PCLO: variants seen among roughly 807,000 people sequenced by gnomAD.
PCLO encodes piccolo presynaptic cytomatrix protein.
A neutral mutation model predicts 427.5 loss-of-function variants in PCLO; 82 were observed. The observed-to-expected ratio is 0.19, with a 90% CI of 0.16 to 0.23. PCLO has a LOEUF of 0.23. Ranked by LOEUF, PCLO falls within the 10% of genes least tolerant of loss-of-function variation. The pLI is 1.00. For missense variants in PCLO, 6,239 were observed against 6,115.9 expected (o/e 1.02, Z -0.67); for synonymous variants, 2,357 against 2,155.4 (o/e 1.09, Z -2.59).
At chr7:83,030,096 A>T (rs573415267) in intron 3 of PCLO, among the ~76,000 whole-genome samples, 1 of 148,898 alleles carries the variant, frequency 6.7e-6, no homozygotes, top group East Asian at 2.0e-4. Context: ...ATGTACCCTA[A>T]AACTTAAAGT....
At chr7:82,888,973 C>T (rs977129627) in intron 9 of PCLO, among the ~76,000 whole-genome samples, 2 of 141,186 alleles carry the variant, frequency 1.4e-5, no homozygotes, top group African/African-American at 5.2e-5. Context: ...CCCGCCAACT[C>T]TGCTCTGATG....
rs751700273 is a variant in PCLO at position 82,953,760 on chromosome 7, G to T, written c.7193C>A (p.Ser2398Tyr). 23 of 1,557,646 alleles carry T rather than the reference G, an allele frequency of 1.5e-5. No individual in the cohort carries two copies. The highest frequency in any genetic ancestry group is 2.0e-5 in the Non-Finnish European group (23 of 1,150,180). The change falls in exon 5 of 25, where the codon TCT becomes TAT. Residue 2398 changes from serine to tyrosine, a missense_variant. Ser to Tyr is a moderately radical substitution (Grantham distance 144). Around this residue, in one of 5 missense-constraint regions of PCLO, gnomAD observed 4,677 missense variants for 4,468.4 expected, o/e 1.05. Coordinates refer to ENST00000333891, the MANE Select transcript of PCLO (RefSeq NM_033026.6). ...AKPRPFFRSS[S>Y]LDISAQPPPP... ...AGGAGGTTGAGCTGATATATCCAAA[G>T]AAGAACTTCTAAAGAATGGGCGAGG...
At chr7:83,060,897 G>A (rs2116314295) in intron 3 of PCLO, among the ~76,000 whole-genome samples, 1 of 152,296 alleles carries the variant, frequency 6.6e-6, no homozygotes. Context: ...ACTGCTATCA[G>A]TCACAAACTA....
chr7:83,008,137 T>C (rs1471081103), intron 3 of PCLO, among the ~76,000 whole-genome samples: 6 of 151,698 alleles, frequency 4.0e-5, no homozygotes, highest in African/African-American at 1.4e-4. Flanking sequence ...GTAAAACACA[T>C]GACCAAACTA....
chr7:83,068,195 C>T (rs983196692), intron 3 of PCLO, among the ~76,000 whole-genome samples: 2 of 152,028 alleles, frequency 1.3e-5, no homozygotes, highest in African/African-American at 4.8e-5. Flanking sequence ...CATAAGAGTT[C>T]TAGGTAACAA....
chr7:82,801,316 A>G (rs1026258688), intron 22 of PCLO, among the ~76,000 whole-genome samples: 2 of 151,522 alleles, frequency 1.3e-5, no homozygotes, highest in Admixed American at 6.6e-5. Flanking sequence ...AAGTTACTTT[A>G]ATGTTAAACA....
chr7:83,005,735 T>C (rs1294654021), intron 3 of PCLO, among the ~76,000 whole-genome samples: 1 of 151,644 alleles, frequency 6.6e-6, no homozygotes, highest in African/African-American at 2.4e-5. Context: ...ATACTTTTTA[T>C]TTGTTAATTA....
At chr7:83,088,924 T>A (rs1467595161) in intron 3 of PCLO, among the ~76,000 whole-genome samples, 1 of 152,134 alleles carries the variant, frequency 6.6e-6, no homozygotes, top group Non-Finnish European at 1.5e-5. Flanking sequence ...TAAAAATCCC[T>A]AGTGAAAAAT....
intron 20 of PCLO, among the ~76,000 whole-genome samples, chr7:82,813,453 A>C (rs1455014114): frequency 6.6e-6 from 1 of 151,780 alleles, no homozygotes; most frequent in Non-Finnish European, 1.5e-5. Flanking sequence ...TATTTTCCAG[A>C]TATTTTTAAA....
In PCLO at chr7:82,930,260, C is replaced by A. The variant is rs778870303; in HGVS notation, c.11113-13387G>T. Among the ~76,000 whole-genome samples the A allele has an allele frequency of 5.3e-5, 8 of 152,048 alleles. No individual in the cohort carries two copies. The South Asian group carries it at 6.2e-4, about 12-fold the overall frequency. The stretch of plus-strand genomic sequence containing the variant: ...AAGTACACGTATGTCCCAGGACCTA[C>A]AATGTCTACTGCACAGTGTAGAAGG... On this transcript the variant is annotated intron_variant, in intron 6 of 24. Coordinates refer to ENST00000333891, the MANE Select transcript of PCLO (RefSeq NM_033026.6).
At chr7:82,940,783 GAC>G (rs1360190524) in intron 6 of PCLO, among the ~76,000 whole-genome samples, 4 of 103,306 alleles carry the variant, frequency 3.9e-5, no homozygotes, top group Non-Finnish European at 7.3e-5. Flanking sequence ...TTTTTTCTGA[GAC>G]TGAGTCTCTC....
At chr7:82,927,214 T>A (rs865915658) in intron 6 of PCLO, among the ~76,000 whole-genome samples, 16 of 152,208 alleles carry the variant, frequency 1.1e-4, no homozygotes, top group South Asian at 2.1e-4. Context: ...GGACCAATTG[T>A]ACACTGCCTT....
chr7:83,161,659 T>C (rs932701403), intron 1 of PCLO, among the ~76,000 whole-genome samples: 1 of 152,224 alleles, frequency 6.6e-6, no homozygotes, highest in Admixed American at 6.5e-5. Context: ...TTCCCTAAAC[T>C]GAAGGCCACT....
chr7:83,105,774 C>A (rs1167988235), intron 3 of PCLO, among the ~76,000 whole-genome samples: 1 of 152,138 alleles, frequency 6.6e-6, no homozygotes, highest in Non-Finnish European at 1.5e-5. Flanking sequence ...CTAAGTGTGC[C>A]ATGAACCAAG....
chr7:82,885,762 T>C, intron 9 of PCLO, among the ~76,000 whole-genome samples: 1 of 151,418 alleles, frequency 6.6e-6, no homozygotes, highest in East Asian at 1.9e-4. Context: ...CATTATCTCA[T>C]TGGATTTTAA....
intron 10 of PCLO, among the ~76,000 whole-genome samples, chr7:82,860,159 C>G (rs981596916): frequency 5.3e-5 from 8 of 151,980 alleles, no homozygotes; most frequent in Admixed American, 4.6e-4. Flanking sequence ...AAAGTTTATT[C>G]AAAGGGATAA....
intron 4 of PCLO, among the ~76,000 whole-genome samples, chr7:82,958,234 A>G (rs1473202474): frequency 6.6e-6 from 1 of 151,854 alleles, no homozygotes; most frequent in African/African-American, 2.4e-5. Flanking sequence ...TGATCTAACT[A>G]TGGCCCAAGT....
At chr7:82,935,687 C>T (rs368306315) in intron 6 of PCLO, among the ~76,000 whole-genome samples, 7 of 151,708 alleles carry the variant, frequency 4.6e-5, no homozygotes, top group African/African-American at 9.6e-5. Flanking sequence ...CATTTCACAA[C>T]GCAGAGTACT....
intron 3 of PCLO, among the ~76,000 whole-genome samples, chr7:83,029,427 G>A (rs1788599876): frequency 6.9e-6 from 1 of 143,978 alleles, no homozygotes; most frequent in Admixed American, 7.0e-5. Flanking sequence ...TCTCACACCA[G>A]TTAGAATGGC....
Sources: gnomAD v4.1 joint callset for allele counts (sites outside exome capture counted in the v4.1 genomes callset) on GRCh38, gnomAD v4.1.1 for gene constraint, gnomAD v4.1.1 regional missense constraint, MANE v1.5 for transcripts, NCBI Gene and HGNC (gene_info 2026-07-23, HGNC 2026-07-21) for gene names.